The following PDE4B variants were observed in gnomAD, a reference collection of about 807,000 sequenced individuals.
PDE4B encodes 3',5'-cyclic-AMP phosphodiesterase 4B.
Under a neutral mutation model 82.2 loss-of-function variants are expected in PDE4B, and 20 were observed. The observed-to-expected ratio is 0.24, with a 90% CI of 0.17 to 0.35. The LOEUF is 0.35. Among genes scored for constraint, PDE4B ranks in the 10% least tolerant of loss-of-function variants. The pLI, the probability that PDE4B is intolerant of heterozygous loss-of-function variation, is 1.00. For missense variants in PDE4B, 655 were observed against 907.2 expected (o/e 0.72, Z 3.57); for synonymous variants, 320 against 318.9 (o/e 1.00, Z -0.04).
At chr1:65,850,361 T>C (rs1307206822) in intron 1 of PDE4B, among the ~76,000 whole-genome samples, 1 of 152,140 alleles carries the variant, frequency 6.6e-6, no homozygotes, top group Non-Finnish European at 1.5e-5. Flanking sequence ...CCTCCCAAAG[T>C]GCTGGGATTA....
chr1:66,189,238 T>G (rs514660), intron 3 of PDE4B, among the ~76,000 whole-genome samples: 1 of 151,882 alleles, frequency 6.6e-6, no homozygotes, highest in Non-Finnish European at 1.5e-5. Flanking sequence ...GTGGGTAACC[T>G]GACCTTTCTC....
intron 3 of PDE4B, among the ~76,000 whole-genome samples, chr1:66,038,974 C>T (rs7517992): frequency 0.059 from 8,898 of 151,990 alleles, 376 homozygotes; most frequent in Non-Finnish European, 0.087. Flanking sequence ...TAAAAATTTT[C>T]CCTATACTCT....
At chr1:66,174,887 G>A (rs1027639188) in intron 3 of PDE4B, among the ~76,000 whole-genome samples, 2 of 152,156 alleles carry the variant, frequency 1.3e-5, no homozygotes, top group Non-Finnish European at 2.9e-5. Context: ...GAGGCCTCAG[G>A]AAACTTACAA....
At chr1:66,014,979 T>C (rs1221824472) in intron 3 of PDE4B, among the ~76,000 whole-genome samples, 1 of 152,164 alleles carries the variant, frequency 6.6e-6, no homozygotes, top group Non-Finnish European at 1.5e-5. Context: ...TTTGAGGGCT[T>C]GATGATCATT....
chr1:66,241,429 C>A (rs1337759090), intron 3 of PDE4B, among the ~76,000 whole-genome samples: 5 of 152,204 alleles, frequency 3.3e-5, no homozygotes, highest in Non-Finnish European at 7.3e-5. Context: ...CCAATATAAT[C>A]ACTTAAGTAA....
At chr1:66,093,801 A>G (rs1051526150) in intron 3 of PDE4B, among the ~76,000 whole-genome samples, 1 of 152,068 alleles carries the variant, frequency 6.6e-6, no homozygotes, top group African/African-American at 2.4e-5. Context: ...GACGTATTCA[A>G]TTCTGCATTG....
At chr1:66,246,392 C>T (rs968946778) in intron 3 of PDE4B, among the ~76,000 whole-genome samples, 7 of 152,152 alleles carry the variant, frequency 4.6e-5, no homozygotes, top group Non-Finnish European at 1.0e-4. Context: ...AATTGGTATA[C>T]AGGAAATTCA....
intron 3 of PDE4B, among the ~76,000 whole-genome samples, chr1:66,176,328 T>G (rs1425073726): frequency 6.6e-6 from 1 of 152,230 alleles, no homozygotes; most frequent in Non-Finnish European, 1.5e-5. Flanking sequence ...GGGCTAGGCA[T>G]CGCCTAAAAT....
At chr1:66,099,804 G>A (rs1264326929) in intron 3 of PDE4B, among the ~76,000 whole-genome samples, 1 of 152,052 alleles carries the variant, frequency 6.6e-6, no homozygotes, top group East Asian at 1.9e-4. Flanking sequence ...GTCTTGTCAT[G>A]GAGCAATCAC....
At chr1:66,077,904 G>C (rs890882695) in intron 3 of PDE4B, among the ~76,000 whole-genome samples, 2 of 152,110 alleles carry the variant, frequency 1.3e-5, no homozygotes, top group Non-Finnish European at 2.9e-5. Context: ...CTCTTCAAAT[G>C]ATTATCACAT....
intron 3 of PDE4B, among the ~76,000 whole-genome samples, chr1:66,117,881 G>A (rs564833046): frequency 6.7e-4 from 102 of 152,180 alleles, no homozygotes; most frequent in African/African-American, 2.3e-3. Context: ...CTAAGGAATC[G>A]CCACACTGAC....
intron 1 of PDE4B, among the ~76,000 whole-genome samples, chr1:65,892,650 CTCTT>C (rs1646865081): frequency 6.6e-6 from 1 of 152,076 alleles, no homozygotes; most frequent in South Asian, 2.1e-4. Flanking sequence ...CTATAGGTCT[CTCTT>C]CTTCCACTTC....
chr1:65,910,504 C>G (rs529351301), intron 1 of PDE4B, among the ~76,000 whole-genome samples: 2 of 152,236 alleles, frequency 1.3e-5, no homozygotes, highest in African/African-American at 4.8e-5. Flanking sequence ...CTGTATTAGT[C>G]AGGATCCTAG....
chr1:66,276,578 A>G (rs1031018754), intron 7 of PDE4B, among the ~76,000 whole-genome samples: 2 of 152,244 alleles, frequency 1.3e-5, no homozygotes, highest in Non-Finnish European at 2.9e-5. Flanking sequence ...TATCCATTTT[A>G]TTGTAAGTAG....
intron 3 of PDE4B, among the ~76,000 whole-genome samples, chr1:66,005,379 A>G (rs1429227994): frequency 1.3e-5 from 2 of 152,194 alleles, no homozygotes; most frequent in South Asian, 2.1e-4. Context: ...AGACAACTTT[A>G]CAGCATTTAA....
intron 8 of PDE4B, among the ~76,000 whole-genome samples, chr1:66,352,815 A>G (rs1325203008): frequency 1.3e-5 from 2 of 152,220 alleles, no homozygotes; most frequent in African/African-American, 2.4e-5. Context: ...TTATTGAACT[A>G]CTACAAACCT....
chr1:66,006,300 C>T (rs1348927962), intron 3 of PDE4B, among the ~76,000 whole-genome samples: 2 of 152,064 alleles, frequency 1.3e-5, no homozygotes, highest in African/African-American at 2.4e-5. Context: ...CTAGTATTTT[C>T]GTTTTTTATT....
intron 1 of PDE4B, among the ~76,000 whole-genome samples, chr1:65,808,856 G>C (rs1443656645): frequency 6.6e-6 from 1 of 152,146 alleles, no homozygotes; most frequent in Non-Finnish European, 1.5e-5. Flanking sequence ...TCAGTTGAAT[G>C]CTTCTAGTAC....
At chr1:66,150,545 T>A (rs1235044060) in intron 3 of PDE4B, among the ~76,000 whole-genome samples, 1 of 152,186 alleles carries the variant, frequency 6.6e-6, no homozygotes, top group Admixed American at 6.5e-5. Context: ...CTTGCCTAAT[T>A]GTACTGACTA....
Sources: gnomAD v4.1 joint callset for allele counts (sites outside exome capture counted in the v4.1 genomes callset) on GRCh38, gnomAD v4.1.1 for gene constraint, MANE v1.5 for transcripts, NCBI Gene and HGNC (gene_info 2026-07-23, HGNC 2026-07-21) for gene names.